Variants in PLXNA1 observed in about 807,000 individuals in gnomAD.
PLXNA1 encodes the protein plexin A1.
Under a neutral mutation model 191.7 loss-of-function variants are expected in PLXNA1, and 77 were observed. The observed-to-expected ratio is 0.40, with a 90% confidence interval of 0.33 to 0.49. PLXNA1 has a LOEUF of 0.49. PLXNA1 is among the 20% of genes least tolerant of loss of function. The pLI, the probability that PLXNA1 is intolerant of heterozygous loss-of-function variation, is 0.63. For missense variants in PLXNA1, 2,110 were observed against 2,660.2 expected (o/e 0.79, Z 4.55); for synonymous variants, 1,137 against 1,156.4 (o/e 0.98, Z 0.34).
chr3:127,004,544 CAG>C lies in PLXNA1; in HGVS notation c.1519-64_1519-63del, dbSNP rs1042415371. On this transcript the variant is annotated intron_variant, in intron 4 of 31. Transcript: ENST00000393409. The stretch of plus-strand genomic sequence containing the variant: ...GCCTAAGGAGAGCAGAGTAGGGAGT[CAG>C]AGGTGAGGATGGTCAAGGACCCCTG... The C allele has an allele frequency of 2.2e-5, 24 of 1,093,370 alleles. No individual in the cohort carries two copies. In the Admixed American group the frequency reaches 3.4e-4, roughly 15 times the overall value. 67.7% of individuals were successfully genotyped at this position (1,093,370 alleles called of 1,614,324 possible). A position where few individuals can be genotyped will look rare whatever the true frequency, so the allele number is the denominator to read the frequency against.
intron 1 of PLXNA1, among the ~76,000 whole-genome samples, chr3:126,984,954 A>C (rs2078950716): frequency 6.6e-6 from 1 of 152,186 alleles, no homozygotes; most frequent in Non-Finnish European, 1.5e-5. Context: ...GGTCGGGAGC[A>C]GAACCACTGG....
chr3:127,029,102 TC>T lies in PLXNA1; in HGVS notation c.4773+9del. 6.2e-7 allele frequency: 1 copy of T among 1,610,872 alleles called. No homozygotes were observed. ...ACACACTGGCTCACTACCAGGTGGC[TC>T]CCGGCCCTCCGACCCTAGCACAGGC... On this transcript the variant is annotated splice_region_variant and intron_variant, in intron 26 of 31. Transcript: ENST00000393409.
At chr3:127,018,570 G>T (rs370358887) in intron 20 of PLXNA1, 42 bp downstream of exon 20, 1 of 1,515,390 alleles carries the variant, frequency 6.6e-7, no homozygotes, top group Non-Finnish European at 9.1e-7. Context: ...TGCCACCTCC[G>T]AGCCAGGCCC....
chr3:127,028,565 C>T (rs1188857958), intron 25 of PLXNA1, among the ~76,000 whole-genome samples: 2 of 152,034 alleles, frequency 1.3e-5, no homozygotes, highest in Admixed American at 6.5e-5. Context: ...CCAGTGCACT[C>T]TGGGAGGCAG....
intron 31 of PLXNA1, among the ~76,000 whole-genome samples, chr3:127,033,246 A>G (rs890448852): frequency 2.0e-5 from 3 of 152,202 alleles, no homozygotes; most frequent in Non-Finnish European, 2.9e-5. Context: ...GAGTGAGGCC[A>G]CGTACATGGA....
chr3:127,032,913 C>T, intron 31 of PLXNA1, 77 bp downstream of exon 31: 1 of 1,444,832 alleles, frequency 6.9e-7, no homozygotes, highest in Non-Finnish European at 9.5e-7. Context: ...TCTGCCCCGC[C>T]CTGCCACTCC....
At chr3:127,003,601 CA>C in intron 4 of PLXNA1, 131 bp downstream of exon 4, 1 of 1,096,404 alleles carries the variant, frequency 9.1e-7, no homozygotes, top group Non-Finnish European at 1.2e-6. Flanking sequence ...AAAGTAGTTT[CA>C]AGCTGGTCTG....
intron 10 of PLXNA1, 93 bp downstream of exon 10, chr3:127,012,251 G>A: frequency 2.3e-6 from 3 of 1,321,948 alleles, no homozygotes; most frequent in Non-Finnish European, 3.1e-6. Flanking sequence ...TGTTCATAAA[G>A]GGCAGTGCAC....
rs143448130 is a variant in PLXNA1 at position 127,029,890 on chromosome 3, G to A, written c.4887G>A (p.Thr1629=). Residue 1629 remains threonine (T), a synonymous_variant, in exon 28 of 32, where the codon ACG becomes ACA. Transcript: ENST00000393409. ...GTGCTGCAGAGAGCATGCTGCGCAC[G>A]GCCAGCAGCCCCGACAGCCTGCGCT... ...SLSRYESMLR[T]ASSPDSLRSR... 4,565 of 1,609,912 alleles carry A rather than the reference G, an allele frequency of 2.8e-3. 12 individuals carry two copies. Among genetic ancestry groups the A allele is most frequent in the Non-Finnish European group, 3.4e-3 (3,986 of 1,177,576 alleles).
At position 127,029,995 on chromosome 3, in the gene PLXNA1, C is replaced by T. The variant is rs2079199883; in HGVS notation, c.4992C>T (p.Asp1664=). Residue 1664 remains aspartate (D), a synonymous_variant, in exon 28 of 32, where the codon GAC becomes GAT. Transcript: ENST00000393409. ...WHLVKNHDHL[D]QREGDRGSKM... ...TGGTGAAGAACCACGACCACCTGGA[C>T]CAGCGTGAGGGTGACCGCGGCAGCA... The T allele has an allele frequency of 6.2e-7, 1 of 1,613,702 alleles. No homozygotes were observed. The highest frequency in any genetic ancestry group is 8.5e-7 in the Non-Finnish European group (1 of 1,179,994).
intron 23 of PLXNA1, chr3:127,027,729 T>C: frequency 1.4e-6 from 1 of 721,738 alleles, no homozygotes; most frequent in Non-Finnish European, 2.5e-6. Context: ...CATGTGATAT[T>C]TGTGGGATGG....
chr3:127,021,338 C>T (rs981565178), intron 21 of PLXNA1, among the ~76,000 whole-genome samples: 1 of 152,194 alleles, frequency 6.6e-6, no homozygotes, highest in African/African-American at 2.4e-5. Flanking sequence ...CTGCCTGGGC[C>T]ATTACCTGTC....
At position 127,022,223 on chromosome 3, in the gene PLXNA1, A is replaced by C; in HGVS notation, c.4177A>C (p.Ile1393Leu). ...CGACCGCGGGAATGTGGCCTCGCTC[A>C]TCATGACGGCCCTGCAGGGCGAGAT... ...MRDRGNVASL[I>L]MTALQGEMEY... Residue 1393 changes from isoleucine to leucine, a missense_variant, in exon 22 of 32, where the codon ATC (isoleucine) becomes CTC (leucine). Ile to Leu is a conservative substitution (Grantham distance 5, BLOSUM62 2). Transcript: ENST00000393409. 6.2e-7 allele frequency: 1 copy of C among 1,613,468 alleles called. No individual in the cohort carries two copies. Among genetic ancestry groups the C allele is most frequent in the Non-Finnish European group, 8.5e-7 (1 of 1,179,990 alleles).
In PLXNA1 at chr3:127,029,483, CCGCCTA is replaced by C; in HGVS notation, c.4819_4824del (p.Ala1607_Tyr1608del). On this transcript the variant is annotated inframe_deletion, in exon 27 of 32. Transcript: ENST00000393409. ...GTGGCACTGGTGCCCAAGCAGACGTCCGCCTACAACATCTCCAACTCCTCCACCTTC... is the reference window on the plus strand; with the variant it reads ...GTGGCACTGGTGCCCAAGCAGACGTCCAACATCTCCAACTCCTCCACCTTC... The C allele has an allele frequency of 6.2e-7, 1 of 1,613,946 alleles. No homozygotes were observed. Among genetic ancestry groups the C allele is most frequent in the Non-Finnish European group, 8.5e-7 (1 of 1,179,960 alleles).
chr3:127,017,568 C>T lies in PLXNA1; in HGVS notation c.3420C>T (p.Asn1140=), dbSNP rs776195225. ...MDNVRSLLVL[N]STSFLYYPDP... ...ACGTGCGCTCCCTGCTTGTGCTCAA[C>T]TCCACCTCCTTCCTCTACTACCCTG... The change falls in exon 18 of 32, where the codon AAC becomes AAT. Residue 1140 remains asparagine, a synonymous_variant. Transcript: ENST00000393409. 5 of 1,613,686 alleles carry T rather than the reference C, an allele frequency of 3.1e-6. 1 individual carries two copies. The South Asian group carries it at 3.3e-5, about 11-fold the overall frequency.
chr3:127,011,691 C>T (rs1559960269), intron 9 of PLXNA1, among the ~76,000 whole-genome samples: 2 of 152,198 alleles, frequency 1.3e-5, no homozygotes, highest in Non-Finnish European at 2.9e-5. Context: ...AGCTGCTGGC[C>T]AGATGGGGCT....
At chr3:127,015,067 T>C (rs1253548963) in intron 14 of PLXNA1, 117 bp from the exon 15 acceptor site, 3 of 1,440,372 alleles carry the variant, frequency 2.1e-6, no homozygotes, top group Middle Eastern at 1.9e-4. Context: ...CTCCCGGGCA[T>C]GCGGGCTCCT....
chr3:126,988,157 C>T (rs2078968916), intron 1 of PLXNA1, among the ~76,000 whole-genome samples: 1 of 152,178 alleles, frequency 6.6e-6, no homozygotes, highest in East Asian at 1.9e-4. Context: ...TAGGGAGGCT[C>T]TGGGTGAAGG....
chr3:127,014,749 C>A lies in PLXNA1; in HGVS notation c.2795C>A (p.Ala932Asp). 1 of 1,612,360 alleles carries A rather than the reference C, an allele frequency of 6.2e-7. No individual in the cohort carries two copies. The change falls in exon 14 of 32, where the codon GCC becomes GAC. Residue 932 changes from alanine (A) to aspartate (D), a missense_variant. Coordinates refer to ENST00000393409, the MANE Select transcript of PLXNA1 (RefSeq NM_032242.4). ...ATCGGGGACGCCAGCTCCGTGCGTG[C>A]CCATGACGCCCTGGTGGAGGTGTGT... ...CEIGDASSVR[A>D]HDALVEVCVR...
Sources: allele counts gnomAD v4.1 joint callset (sites outside exome capture counted in the v4.1 genomes callset), GRCh38; gene constraint gnomAD v4.1.1; transcripts MANE v1.5; gene names NCBI Gene and HGNC (gene_info 2026-07-23, HGNC 2026-07-21).